Variants in SLC50A1 observed in about 807,000 individuals in gnomAD.
SLC50A1 encodes the protein sugar transporter SWEET1.
Under a neutral mutation model 28.9 loss-of-function variants are expected in SLC50A1, and 22 were observed. The ratio of observed to expected loss-of-function variants is 0.76; its 90% CI spans 0.54 to 1.09. The LOEUF is 1.09. SLC50A1 is among the 50% of genes least tolerant of loss of function. The probability of loss-of-function intolerance (pLI) is 0.00; values close to 1 mark genes in which losing one functional copy is unlikely to be tolerated. For synonymous variants in SLC50A1, 96 were observed against 110.6 expected (o/e 0.87, Z 0.83); for missense variants, 233 against 273.4 (o/e 0.85, Z 1.04).
rs1178555365 is a variant in SLC50A1, at chr1:155,138,544, G to C, written c.*263G>C. The stretch of plus-strand genomic sequence containing the variant: ...CAATCTTTAGAATATGCCTTAAAAG[G>C]CCGGGCGCGGTGGCTCACGCCTGTA... On this transcript the variant is annotated 3_prime_UTR_variant, in exon 6 of 6. Transcript: ENST00000368404. 2 of 443,748 alleles carry C rather than the reference G, an allele frequency of 4.5e-6. No homozygotes were observed. Among genetic ancestry groups the C allele is most frequent in the Non-Finnish European group, 8.1e-6 (2 of 245,566 alleles). The allele number at this position is 443,748 out of a possible 1,614,324, so 27.5% of individuals were successfully genotyped here.
chr1:155,136,049 G>A (rs1248283323), intron 1 of SLC50A1, 58 bp downstream of exon 1: 1 of 1,593,320 alleles, frequency 6.3e-7, no homozygotes, highest in Non-Finnish European at 8.6e-7. Flanking sequence ...AGGAGAGAGA[G>A]GGGACAGAGA....
At chr1:155,136,742 C>CAAAA in intron 2 of SLC50A1, 86 bp from the exon 3 acceptor site, 2 of 1,234,780 alleles carry the variant, frequency 1.6e-6, no homozygotes, top group Non-Finnish European at 2.2e-6. Flanking sequence ...GACTACGTCT[C>CAAAA]AAAAAAAAAA....
At chr1:155,135,815 G>GGGGCGGGGCTCCAGAGCCGCA (rs1302740289), upstream of SLC50A1, 6 of 1,573,834 alleles carry the variant, frequency 3.8e-6, no homozygotes, top group East Asian at 1.4e-4. Context: ...CCGAGTGCGC[G>GGGGCGGGGCTCCAGAGCCGCA]GGGCGGGGCT....
intron 3 of SLC50A1, 120 bp from the exon 4 acceptor site, chr1:155,137,441 G>A: frequency 8.2e-7 from 1 of 1,217,152 alleles, no homozygotes; most frequent in Non-Finnish European, 1.2e-6. Context: ...TGACAGTGCA[G>A]TGCTGGAGGC....
At chr1:155,136,454 A>G (rs1664479975) in intron 2 of SLC50A1, 78 bp downstream of exon 2, 1 of 1,429,866 alleles carries the variant, frequency 7.0e-7, no homozygotes, top group East Asian at 2.4e-5. Context: ...CAAGAGTGAA[A>G]GAGGTTTGGC....
Position 155,138,333 on chromosome 1 carries a change from C to A in SLC50A1, c.*52C>A. 1.3e-6 allele frequency: 2 copies of A among 1,558,842 alleles called. No homozygotes were observed. The highest frequency in any genetic ancestry group is 1.8e-6 in the Non-Finnish European group (2 of 1,136,990). ...TTAGTGCCAACCTGAACCAAAGAGACCTCCTTGTTTCAGCTGGGCCTGCTG... is the reference window on the plus strand; with the variant it reads ...TTAGTGCCAACCTGAACCAAAGAGAACTCCTTGTTTCAGCTGGGCCTGCTG... On this transcript the variant is annotated 3_prime_UTR_variant, in exon 6 of 6. Coordinates refer to ENST00000368404, the MANE Select transcript of SLC50A1 (RefSeq NM_018845.4).
rs929371635 is a variant in SLC50A1, at chr1:155,138,512, T to TG, written c.*235dup. The TG allele has an allele frequency of 1.7e-5, 9 of 541,916 alleles. No individual in the cohort carries two copies. Among genetic ancestry groups the TG allele is most frequent in the Non-Finnish European group, 2.9e-5 (9 of 305,890 alleles). The allele number at this position is 541,916 out of a possible 1,614,324, so 33.6% of individuals were successfully genotyped here. A position where few individuals can be genotyped will look rare whatever the true frequency, so the allele number is the denominator to read the frequency against. On this transcript the variant is annotated 3_prime_UTR_variant, in exon 6 of 6. Transcript: ENST00000368404. ...GATTTTTTTTTTTAATTTTGGAGGT[T>TG]GGGGTGCAATCTTTAGAATATGCCT...
chr1:155,135,704 G>A (rs1454897509), upstream of SLC50A1: 18 of 1,549,964 alleles, frequency 1.2e-5, no homozygotes, highest in Admixed American at 2.0e-5. Context: ...TACTGGGAAG[G>A]CGCTCGGAGG....
chr1:155,137,171 C>T, intron 3 of SLC50A1: 1 of 610,982 alleles, frequency 1.6e-6, no homozygotes, highest in Non-Finnish European at 2.8e-6. Flanking sequence ...CCTGAGATGC[C>T]TATGCTGCCT....
chr1:155,136,236 C>A (rs529127797), intron 1 of SLC50A1, 63 bp from the exon 2 acceptor site: 2 of 1,183,666 alleles, frequency 1.7e-6, no homozygotes, highest in African/African-American at 1.5e-5. Context: ...CATTGGGCAT[C>A]CCCCTCTAGC....
At chr1:155,137,531 C>G (rs1281383333) in intron 3 of SLC50A1, 30 bp from the exon 4 acceptor site, 1 of 1,612,850 alleles carries the variant, frequency 6.2e-7, no homozygotes, top group Non-Finnish European at 8.5e-7. Context: ...GAGTGCACAT[C>G]TGGAAGTAAG....
Position 155,135,998 on chromosome 1 carries a change from G to A in SLC50A1, c.80+7G>A, listed in dbSNP as rs773739604. On this transcript the variant is annotated splice_region_variant and intron_variant, in intron 1 of 5. Transcript: ENST00000368404. ...GCATGTTCTCCGCCGGCCTGTGAGA[G>A]TGCGGCCGGGCTGGGTTGGGGAGGA... 1 of 1,614,010 alleles carries A rather than the reference G, an allele frequency of 6.2e-7. No individual in the cohort carries two copies. The highest frequency in any genetic ancestry group is 8.5e-7 in the Non-Finnish European group (1 of 1,179,954).
chr1:155,136,027 G>A, intron 1 of SLC50A1, 36 bp downstream of exon 1: 1 of 1,611,168 alleles, frequency 6.2e-7, no homozygotes, highest in Non-Finnish European at 8.5e-7. Flanking sequence ...GGGAGGACTA[G>A]GCAGTCAGGA....
intron 4 of SLC50A1, 86 bp downstream of exon 4, chr1:155,137,808 G>A (rs1664578714): frequency 6.3e-7 from 1 of 1,585,618 alleles, no homozygotes; most frequent in East Asian, 2.2e-5. Context: ...CGAGGAAGGG[G>A]AGATCCAAAC....
In SLC50A1 at chr1:155,138,604, C is replaced by G. The variant is rs1384853890; in HGVS notation, c.*323C>G. The stretch of plus-strand genomic sequence containing the variant: ...CTTTGGGAGGCCAAGGTGGGCGGAT[C>G]GCCTGAGGTCAGGAGTTCAAGACCA... On this transcript the variant is annotated 3_prime_UTR_variant, in exon 6 of 6. Coordinates refer to ENST00000368404, the MANE Select transcript of SLC50A1 (RefSeq NM_018845.4). 4 of 272,316 alleles carry G rather than the reference C, an allele frequency of 1.5e-5. No homozygotes were observed. The Middle Eastern group carries it at 5.2e-3, about 356-fold the overall frequency. The allele number at this position is 272,316 out of a possible 1,614,324, so 16.9% of individuals were successfully genotyped here.
upstream of SLC50A1, chr1:155,135,486 G>A: frequency 5.2e-6 from 6 of 1,152,524 alleles, no homozygotes; most frequent in Non-Finnish European, 7.2e-6. Context: ...GATGGAAAGC[G>A]TGCTGAAGTC....
Position 155,136,816 on chromosome 1 carries a change from T to G in SLC50A1, c.159-12T>G, listed in dbSNP as rs746848083. ...AACCCTTTGAGCCATGTCCATCCCC[T>G]CCACCCTGCAGCAACCTGGGCTGGC... On this transcript the variant is annotated splice_polypyrimidine_tract_variant and intron_variant, in intron 2 of 5. Transcript: ENST00000368404. 2.5e-6 allele frequency: 4 copies of G among 1,613,702 alleles called. No homozygotes were observed. The highest frequency in any genetic ancestry group is 3.4e-6 in the Non-Finnish European group (4 of 1,179,906).
chr1:155,136,123 G>T, intron 1 of SLC50A1, 132 bp downstream of exon 1: 1 of 1,211,802 alleles, frequency 8.3e-7, no homozygotes, highest in Non-Finnish European at 1.2e-6. Context: ...GAGGGGACCG[G>T]GGTACAAGGG....
In SLC50A1 at chr1:155,135,865, C is replaced by T. The variant is rs768056557; in HGVS notation, c.-47C>T. The T allele has an allele frequency of 1.2e-6, 2 of 1,611,408 alleles. No individual in the cohort carries two copies. Among genetic ancestry groups the T allele is most frequent in the Non-Finnish European group, 1.7e-6 (2 of 1,179,170 alleles). On this transcript the variant is annotated 5_prime_UTR_variant, in exon 1 of 6. Transcript: ENST00000368404. ...CTGGGCTGCAGTAGGTCCCGGCAACCGCAGGCTCGCGGCGGGCGCTGGGCG... is the reference window on the plus strand; with the variant it reads ...CTGGGCTGCAGTAGGTCCCGGCAACTGCAGGCTCGCGGCGGGCGCTGGGCG...
Sources: allele counts gnomAD v4.1 joint callset, GRCh38; gene constraint gnomAD v4.1.1; transcripts MANE v1.5; gene names NCBI Gene and HGNC (gene_info 2026-07-23, HGNC 2026-07-21).